The following BEND4 variants were observed in gnomAD, a reference collection of about 807,000 sequenced individuals.
BEND4 encodes the protein BEN domain containing 4.
A neutral mutation model predicts 54.7 loss-of-function variants in BEND4; 27 were observed. That is an observed-to-expected ratio of 0.49 (90% CI 0.36 to 0.68). The LOEUF (loss-of-function observed/expected upper bound fraction) is 0.68. Ranked by LOEUF, BEND4 falls within the 30% of genes least tolerant of loss-of-function variation. BEND4 has a pLI of 0.00. For missense variants in BEND4, 702 were observed against 697.2 expected (o/e 1.01, Z -0.08); for synonymous variants, 327 against 299.5 (o/e 1.09, Z -0.95).
At chr4:42,146,927 GA>G (rs1290747187) in intron 2 of BEND4, among the ~76,000 whole-genome samples, 3 of 152,042 alleles carry the variant, frequency 2.0e-5, no homozygotes, top group African/African-American at 4.8e-5. Context: ...GATTTTAAGG[GA>G]AAAAAATCTG....
Position 42,117,605 on chromosome 4 carries a change from G to A in BEND4, c.1518C>T (p.Asn506=), listed in dbSNP as rs771580463. The A allele has an allele frequency of 3.3e-5, 54 of 1,613,084 alleles. No homozygotes were observed. The highest frequency in any genetic ancestry group is 1.2e-4 in the Admixed American group (7 of 59,904). ...CGATCCCTTCATAAAATGAGCCACC[G>A]TTGTGCAGGAAAGTCCCCACCGCCC... ...QGRAVGTFLH[N]GGSFYEGIDH... Residue 506 remains asparagine (N), a synonymous_variant, in exon 6 of 6, where the codon AAC becomes AAT. Coordinates refer to ENST00000502486, the MANE Select transcript of BEND4 (RefSeq NM_207406.4).
chr4:42,112,289 G>A lies in BEND4; in HGVS notation c.*5229C>T, dbSNP rs1560571494. 6.6e-6 allele frequency: 1 copy of A among 152,166 alleles called. No individual in the cohort carries two copies. The highest frequency in any genetic ancestry group is 1.5e-5 in the Non-Finnish European group (1 of 68,036). 9.4% of individuals were successfully genotyped at this position (152,166 alleles called of 1,614,324 possible). A position where few individuals can be genotyped will look rare whatever the true frequency, so the allele number is the denominator to read the frequency against. ...ATAGGGTAGCTGTGAGGATTAAAAT[G>A]AGAATGCATTAAAGTACTTATCCAA... On this transcript the variant is annotated 3_prime_UTR_variant, in exon 6 of 6. Transcript: ENST00000502486.
intron 2 of BEND4, among the ~76,000 whole-genome samples, chr4:42,148,016 T>G (rs1224161407): frequency 1.3e-5 from 2 of 152,170 alleles, no homozygotes; most frequent in Non-Finnish European, 2.9e-5. Context: ...AAGGGTGAAA[T>G]ATATTAATAT....
chr4:42,127,642 G>T (rs149520964), intron 3 of BEND4, among the ~76,000 whole-genome samples: 3 of 152,114 alleles, frequency 2.0e-5, no homozygotes, highest in African/African-American at 2.4e-5. Flanking sequence ...TACTTTCTAC[G>T]TATGAATCCC....
At chr4:42,144,070 T>A in intron 2 of BEND4, 76 bp from the exon 3 acceptor site, 1 of 1,024,520 alleles carries the variant, frequency 9.8e-7, no homozygotes, top group Non-Finnish European at 1.5e-6. Context: ...ATTTTCAGCT[T>A]AACATTCAAA....
At chr4:42,146,699 C>A (rs867508688) in intron 2 of BEND4, among the ~76,000 whole-genome samples, 1 of 152,182 alleles carries the variant, frequency 6.6e-6, no homozygotes, top group East Asian at 1.9e-4. Flanking sequence ...ATCCTATAAT[C>A]CCATTCTAGA....
Position 42,117,604 on chromosome 4 carries a change from C to T in BEND4, c.1519G>A (p.Gly507Ser), listed in dbSNP as rs748010739. ...TCGATCCCTTCATAAAATGAGCCAC[C>T]GTTGTGCAGGAAAGTCCCCACCGCC... ...GRAVGTFLHN[G>S]GSFYEGIDHQ... Residue 507 changes from glycine (G) to serine (S), a missense_variant, in exon 6 of 6, where the codon GGT becomes AGT. Gly to Ser is a moderately conservative substitution (Grantham distance 56, BLOSUM62 0). Transcript: ENST00000502486. The T allele has an allele frequency of 1.1e-5, 17 of 1,613,092 alleles. No individual in the cohort carries two copies. The East Asian group carries it at 1.1e-4, about 11-fold the overall frequency.
intron 4 of BEND4, among the ~76,000 whole-genome samples, chr4:42,120,544 A>G (rs1720016180): frequency 6.6e-6 from 1 of 152,236 alleles, no homozygotes; most frequent in Admixed American, 6.5e-5. Flanking sequence ...TATAACTTAC[A>G]TTTTAACAGG....
chr4:42,136,862 A>G (rs1720715620), intron 3 of BEND4, among the ~76,000 whole-genome samples: 1 of 152,264 alleles, frequency 6.6e-6, no homozygotes, highest in African/African-American at 2.4e-5. Flanking sequence ...TAATTATTAA[A>G]TAAGATCTCT....
Position 42,131,812 on chromosome 4 carries a change from A to C in BEND4, c.1055-6138T>G, listed in dbSNP as rs113649654. ...ATTGTTAAAAAAAAAAAAATAGCCA[A>C]AACTGCCCCAGGTGTTCTGAGTGCC... On this transcript the variant is annotated intron_variant, in intron 3 of 5. Coordinates refer to ENST00000502486, the MANE Select transcript of BEND4 (RefSeq NM_207406.4). Among the ~76,000 whole-genome samples the C allele has an allele frequency of 1.1e-3, 166 of 152,178 alleles. 2 individuals carry two copies. The highest frequency in any genetic ancestry group is 3.7e-3 in the African/African-American group (153 of 41,520).
rs986605173 is a variant in BEND4, at chr4:42,151,696, C to G, written c.448G>C (p.Gly150Arg). The G allele has an allele frequency of 7.3e-6, 11 of 1,502,440 alleles. No individual in the cohort carries two copies. The East Asian group carries it at 2.5e-4, about 34-fold the overall frequency. 93.1% of individuals were successfully genotyped at this position (1,502,440 alleles called of 1,614,324 possible). Residue 150 changes from glycine (G) to arginine (R), a missense_variant, in exon 2 of 6, where the codon GGC becomes CGC. Gly to Arg is a moderately radical substitution (Grantham distance 125). Transcript: ENST00000502486. ...PGAAAAAGTG[G>R]TGSDSASLEL... is the part of the protein sequence containing the mutation. Reference sequence around the variant, plus strand: ...AGGCTGGCGCTGTCGCTACCCGTGCCGCCGGTGCCGGCGGCCGCCGCCGCG... The same window carrying G: ...AGGCTGGCGCTGTCGCTACCCGTGCGGCCGGTGCCGGCGGCCGCCGCCGCG...
intron 3 of BEND4, among the ~76,000 whole-genome samples, chr4:42,141,183 T>A (rs1433339511): frequency 6.6e-6 from 1 of 152,148 alleles, no homozygotes; most frequent in African/African-American, 2.4e-5. Context: ...ACCCCAGGGC[T>A]CCAATGTAAA....
intron 4 of BEND4, among the ~76,000 whole-genome samples, chr4:42,122,189 C>A (rs1462007372): frequency 6.6e-6 from 1 of 152,214 alleles, no homozygotes; most frequent in Non-Finnish European, 1.5e-5. Context: ...CACTTCCCTC[C>A]TTTCTCCTCA....
rs1374315158 is a variant in BEND4, at chr4:42,143,435, G to A, written c.1047C>T (p.Ser349=). The A allele has an allele frequency of 1.3e-5, 20 of 1,551,048 alleles. No individual in the cohort carries two copies. Among genetic ancestry groups the A allele is most frequent in the Non-Finnish European group, 1.7e-5 (20 of 1,146,402 alleles). ...ENEELRRKLE[S]IPVPCQTVLD... is the part of the protein sequence containing the mutation. ...AGGAATATGGCAGGATACCTGGGAT[G>A]CTCTCTAATTTCCTTCTGAGCTCTT... Residue 349 remains serine, a synonymous_variant, in exon 3 of 6, where the codon AGC becomes AGT. Transcript: ENST00000502486.
At chr4:42,118,551 C>T (rs1577744912) in intron 5 of BEND4, among the ~76,000 whole-genome samples, 1 of 152,334 alleles carries the variant, frequency 6.6e-6, no homozygotes, top group East Asian at 1.9e-4. Context: ...GTGACAGTGG[C>T]TCCTGCAGTG....
At chr4:42,118,076 T>G (rs1250801079) in intron 5 of BEND4, among the ~76,000 whole-genome samples, 1 of 152,166 alleles carries the variant, frequency 6.6e-6, no homozygotes, top group Non-Finnish European at 1.5e-5. Context: ...AAACCCAAGT[T>G]GTTACCTGCT....
Position 42,112,520 on chromosome 4 carries a change from T to A in BEND4, c.*4998A>T, listed in dbSNP as rs984094143. 2 of 152,168 alleles carry A rather than the reference T, an allele frequency of 1.3e-5. No homozygotes were observed. The highest frequency in any genetic ancestry group is 4.8e-5 in the African/African-American group (2 of 41,444). The allele number at this position is 152,168 out of a possible 1,614,324, so 9.4% of individuals were successfully genotyped here. A position where few individuals can be genotyped will look rare whatever the true frequency, so the allele number is the denominator to read the frequency against. On this transcript the variant is annotated 3_prime_UTR_variant, in exon 6 of 6. Transcript: ENST00000502486. Reference sequence around the variant, plus strand: ...ACATGCTTTCACTGTAATTTGAGGATCTGTGATTCAATAAAAACACAGCCC... The same window carrying A: ...ACATGCTTTCACTGTAATTTGAGGAACTGTGATTCAATAAAAACACAGCCC...
intron 3 of BEND4, among the ~76,000 whole-genome samples, chr4:42,125,910 G>A (rs1408154954): frequency 1.3e-5 from 2 of 151,738 alleles, no homozygotes; most frequent in African/African-American, 4.8e-5. Context: ...AGCTAATTAT[G>A]TTAATTTTTT....
At chr4:42,130,479 CAAAAAAA>C (rs55989085) in intron 3 of BEND4, among the ~76,000 whole-genome samples, 1 of 64,920 alleles carries the variant, frequency 1.5e-5, no homozygotes, top group Non-Finnish European at 3.0e-5. Context: ...GAGTCCGTCT[CAAAAAAA>C]AAAAAAAAAA....
Sources: allele counts gnomAD v4.1 joint callset (sites outside exome capture counted in the v4.1 genomes callset), GRCh38; gene constraint gnomAD v4.1.1; transcripts MANE v1.5; gene names NCBI Gene and HGNC (gene_info 2026-07-23, HGNC 2026-07-21).